The following XKR6 variants were observed in gnomAD, a reference collection of about 807,000 sequenced individuals.
XKR6 encodes the protein XK related 6.
XKR6 carries 22 observed loss-of-function variants against 56.7 expected under a neutral mutation model. That is an observed-to-expected ratio of 0.39 (90% confidence interval 0.28 to 0.55). The LOEUF (loss-of-function observed/expected upper bound fraction) is 0.55, where lower values mean the gene tolerates loss of function less well. Among genes scored for constraint, XKR6 ranks in the 20% least tolerant of loss-of-function variants. The probability of loss-of-function intolerance (pLI) is 0.66; values close to 1 mark genes in which losing one functional copy is unlikely to be tolerated. For synonymous variants in XKR6, 524 were observed against 387.8 expected (o/e 1.35, Z -4.13); for missense variants, 852 against 889.0 (o/e 0.96, Z 0.53).
At chr8:11,114,163 A>T in intron 1 of XKR6, 1 of 384,036 alleles carries the variant, frequency 2.6e-6, no homozygotes, top group South Asian at 2.0e-5. Flanking sequence ...ACTAAAATAT[A>T]AAATATTAGA....
chr8:11,102,141 C>A (rs775194752), intron 1 of XKR6, among the ~76,000 whole-genome samples: 4 of 152,126 alleles, frequency 2.6e-5, no homozygotes, highest in Non-Finnish European at 5.9e-5. Context: ...GTGGGTCAAT[C>A]CCAACTGACA....
intron 1 of XKR6, among the ~76,000 whole-genome samples, chr8:11,015,859 G>C (rs1798607332): frequency 6.6e-6 from 1 of 152,202 alleles, no homozygotes; most frequent in Non-Finnish European, 1.5e-5. Flanking sequence ...GGCTCGCCGG[G>C]GAAGTGCTGT....
chr8:11,196,443 A>C (rs1383649768), intron 1 of XKR6, among the ~76,000 whole-genome samples: 1 of 152,146 alleles, frequency 6.6e-6, no homozygotes, highest in Non-Finnish European at 1.5e-5. Context: ...CAAAAAAAAC[A>C]ACAACAACAA....
chr8:10,959,947 A>C (rs948933292), intron 1 of XKR6, among the ~76,000 whole-genome samples: 1 of 152,164 alleles, frequency 6.6e-6, no homozygotes, highest in Admixed American at 6.5e-5. Flanking sequence ...CCCAGAGTGC[A>C]GGATTTAAGG....
intron 1 of XKR6, among the ~76,000 whole-genome samples, chr8:10,965,155 G>A (rs1194344749): frequency 2.0e-5 from 3 of 152,200 alleles, no homozygotes; most frequent in African/African-American, 7.2e-5. Flanking sequence ...TGGATGGCGG[G>A]TCCCCTGGGT....
In XKR6 at chr8:11,007,972, C is replaced by T. The variant is rs79798074; in HGVS notation, c.765-83142G>A. Among the ~76,000 whole-genome samples, 420 of 152,122 alleles carry T rather than the reference C, an allele frequency of 2.8e-3. 4 individuals carry two copies. The highest frequency in any genetic ancestry group is 9.5e-3 in the African/African-American group (395 of 41,484). On this transcript the variant is annotated intron_variant, in intron 1 of 2. Transcript: ENST00000416569. ...CAGAGCAGAGCAAAGCAGCATGGGG[C>T]GAGACCTGGATGTGTGGGTGCTCCC...
intron 1 of XKR6, among the ~76,000 whole-genome samples, chr8:10,965,952 AG>A (rs1802209706): frequency 2.0e-5 from 3 of 152,202 alleles, no homozygotes; most frequent in African/African-American, 7.2e-5. Flanking sequence ...GGATTCCTCA[AG>A]GGCATCAAAT....
chr8:11,201,500 C>T lies in XKR6; in HGVS notation c.-161G>A. On this transcript the variant is annotated 5_prime_UTR_variant, in exon 1 of 3. Coordinates refer to ENST00000416569, the MANE Select transcript of XKR6 (RefSeq NM_173683.4). Reference sequence around the variant, plus strand: ...AGGGGGGAGTGGGCCAGGGAACCCCCTCCGCTTCCGGGTAGTTGGCGTCAC... The same window carrying T: ...AGGGGGGAGTGGGCCAGGGAACCCCTTCCGCTTCCGGGTAGTTGGCGTCAC... 1.8e-6 allele frequency: 1 copy of T among 561,884 alleles called. No homozygotes were observed. The highest frequency in any genetic ancestry group is 3.1e-6 in the Non-Finnish European group (1 of 321,876). The allele number at this position is 561,884 out of a possible 1,614,324, so 34.8% of individuals were successfully genotyped here.
intron 2 of XKR6, among the ~76,000 whole-genome samples, chr8:10,921,734 G>C (rs1800726695): frequency 1.3e-5 from 2 of 152,206 alleles, no homozygotes; most frequent in South Asian, 4.1e-4. Context: ...GGGGTGTCAA[G>C]ATCTGGCCAA....
intron 1 of XKR6, among the ~76,000 whole-genome samples, chr8:10,998,208 C>T (rs1798158584): frequency 6.6e-6 from 1 of 152,010 alleles, no homozygotes; most frequent in South Asian, 2.1e-4. Flanking sequence ...TAGCCTTGCA[C>T]AAGGCATTCC....
intron 1 of XKR6, among the ~76,000 whole-genome samples, chr8:10,996,495 GA>G (rs1300758328): frequency 2.0e-5 from 3 of 152,176 alleles, no homozygotes; most frequent in African/African-American, 7.2e-5. Context: ...CTAAGAGCAA[GA>G]AAGAAAATTT....
intron 1 of XKR6, among the ~76,000 whole-genome samples, chr8:11,136,302 G>A (rs1310612224): frequency 1.3e-5 from 2 of 152,164 alleles, no homozygotes; most frequent in Admixed American, 1.3e-4. Flanking sequence ...ATCACCTGAG[G>A]TCAGTTCAAG....
intron 1 of XKR6, among the ~76,000 whole-genome samples, chr8:10,930,875 T>C (rs1048451264): frequency 5.9e-5 from 9 of 152,258 alleles, no homozygotes; most frequent in African/African-American, 2.2e-4. Flanking sequence ...AACAGGGTTA[T>C]GATGTCTACA....
chr8:11,152,398 C>T (rs967967643), intron 1 of XKR6, among the ~76,000 whole-genome samples: 4 of 151,880 alleles, frequency 2.6e-5, no homozygotes, highest in Admixed American at 6.6e-5. Context: ...TAAAGCTAAG[C>T]GAATATACTG....
intron 2 of XKR6, among the ~76,000 whole-genome samples, chr8:10,916,997 G>C (rs974563784): frequency 2.0e-5 from 3 of 151,946 alleles, no homozygotes; most frequent in African/African-American, 7.3e-5. Context: ...AGAGCTCCAG[G>C]TTTGTTTAAC....
intron 2 of XKR6, among the ~76,000 whole-genome samples, chr8:10,910,835 G>C (rs1369968305): frequency 1.3e-5 from 2 of 152,332 alleles, no homozygotes; most frequent in East Asian, 1.9e-4. Flanking sequence ...AGAGATTCTA[G>C]AACAAATGTC....
intron 1 of XKR6, among the ~76,000 whole-genome samples, chr8:11,096,625 G>A (rs1490455614): frequency 6.6e-6 from 1 of 152,188 alleles, no homozygotes; most frequent in South Asian, 2.1e-4. Flanking sequence ...TGTTAGTCAA[G>A]CAGCCTTTTC....
chr8:11,153,726 T>G (rs572831692), intron 1 of XKR6, among the ~76,000 whole-genome samples: 1 of 152,218 alleles, frequency 6.6e-6, no homozygotes, highest in African/African-American at 2.4e-5. Flanking sequence ...ATCTCAGTAA[T>G]GAGATCTCCA....
chr8:11,031,226 AAG>A (rs996460073), intron 1 of XKR6, among the ~76,000 whole-genome samples: 3 of 152,214 alleles, frequency 2.0e-5, no homozygotes, highest in African/African-American at 7.2e-5. Context: ...GCAATAGAGA[AAG>A]AGAGAGAGTG....
Sources: allele counts gnomAD v4.1 joint callset (sites outside exome capture counted in the v4.1 genomes callset), GRCh38; gene constraint gnomAD v4.1.1; transcripts MANE v1.5; gene names NCBI Gene and HGNC (gene_info 2026-07-23, HGNC 2026-07-21).